The following SP4 variants were observed in gnomAD, a reference collection of about 807,000 sequenced individuals.
SP4 encodes the protein Sp4 transcription factor.
A neutral mutation model predicts 72.8 loss-of-function variants in SP4; 19 were observed. The observed-to-expected ratio is 0.26, with a 90% CI of 0.18 to 0.38. The LOEUF (loss-of-function observed/expected upper bound fraction) is 0.38, where lower values mean the gene tolerates loss of function less well. Ranked by LOEUF, SP4 falls within the 10% of genes least tolerant of loss-of-function variation. The probability of loss-of-function intolerance (pLI) is 1.00; values close to 1 mark genes in which losing one functional copy is unlikely to be tolerated. For synonymous variants in SP4, 395 were observed against 333.1 expected, an observed-to-expected ratio of 1.19 and a Z score of -2.02; for missense variants, 1,008 against 926.3, an observed-to-expected ratio of 1.09 and a Z score of -1.14.
chr7:21,444,366 A>AT (rs540649016), intron 3 of SP4, among the ~76,000 whole-genome samples: 1 of 152,232 alleles, frequency 6.6e-6, no homozygotes, highest in Non-Finnish European at 1.5e-5. Context: ...CGTTTATAGT[A>AT]TACCAGATAA....
intron 5 of SP4, among the ~76,000 whole-genome samples, chr7:21,509,107 G>A (rs1411609502): frequency 6.6e-6 from 1 of 151,934 alleles, no homozygotes; most frequent in African/African-American, 2.4e-5. Flanking sequence ...TCGTCAGAAT[G>A]TTTCATATTA....
At chr7:21,486,692 C>T (rs1353298629) in intron 5 of SP4, among the ~76,000 whole-genome samples, 1 of 152,088 alleles carries the variant, frequency 6.6e-6, no homozygotes, top group Non-Finnish European at 1.5e-5. Flanking sequence ...GTGATGTTAA[C>T]CCTGATGTAT....
intron 5 of SP4, among the ~76,000 whole-genome samples, chr7:21,498,354 G>A (rs1186253437): frequency 6.6e-6 from 1 of 152,122 alleles, no homozygotes; most frequent in Non-Finnish European, 1.5e-5. Flanking sequence ...ATGATTTGGG[G>A]ATCTACGGGG....
intron 3 of SP4, among the ~76,000 whole-genome samples, chr7:21,437,434 T>C (rs934059999): frequency 6.6e-6 from 1 of 152,202 alleles, no homozygotes; most frequent in Admixed American, 6.5e-5. Flanking sequence ...TGAAAAGTGG[T>C]AATTATTATT....
At chr7:21,510,952 G>A in intron 5 of SP4, 70 bp from the exon 6 acceptor site, 1 of 1,422,814 alleles carries the variant, frequency 7.0e-7, no homozygotes, top group African/African-American at 1.4e-5. Context: ...GACCAGAAGG[G>A]AGATTATTAA....
chr7:21,444,718 C>G (rs902794447), intron 3 of SP4, among the ~76,000 whole-genome samples: 1 of 152,052 alleles, frequency 6.6e-6, no homozygotes, highest in South Asian at 2.1e-4. Flanking sequence ...GTGGTGGTGA[C>G]CTCAAATTAT....
At chr7:21,449,535 G>A (rs554839767) in intron 3 of SP4, among the ~76,000 whole-genome samples, 1 of 152,214 alleles carries the variant, frequency 6.6e-6, no homozygotes, top group South Asian at 2.1e-4. Flanking sequence ...AAATACATAT[G>A]CGTGTATAGG....
intron 4 of SP4, among the ~76,000 whole-genome samples, chr7:21,477,976 A>C (rs1371922607): frequency 1.3e-5 from 2 of 152,134 alleles, no homozygotes; most frequent in South Asian, 2.1e-4. Flanking sequence ...ACATGACTAC[A>C]ATCAATTTTA....
rs555738358 is a variant in SP4, at chr7:21,513,101, C to G, written c.*1832C>G. On this transcript the variant is annotated 3_prime_UTR_variant, in exon 6 of 6. Coordinates refer to ENST00000222584, the MANE Select transcript of SP4 (RefSeq NM_003112.5). ...AGGTACGTGTTTTCTTGTGCATTCT[C>G]TATAATTTCAGGAAAAGTACTAATG... is the stretch of plus-strand genomic sequence containing the variant. The G allele has an allele frequency of 6.5e-5, 10 of 152,674 alleles. No homozygotes were observed. In the East Asian group the frequency reaches 1.9e-3, roughly 29 times the overall value. 9.5% of individuals were successfully genotyped at this position (152,674 alleles called of 1,614,324 possible). A position where few individuals can be genotyped will look rare whatever the true frequency, so the allele number is the denominator to read the frequency against.
Position 21,477,317 on chromosome 7 carries a change from G to T in SP4, c.1907+10G>T. 2 of 1,577,878 alleles carry T rather than the reference G, an allele frequency of 1.3e-6. No homozygotes were observed. The highest frequency in any genetic ancestry group is 2.7e-5 in the African/African-American group (2 of 74,364). On this transcript the variant is annotated intron_variant, in intron 4 of 5. Transcript: ENST00000222584. ...GGGAAGGAGAAGGAAGGTAAATGCT[G>T]TATTTTTCAACTGTGTCTATTTGGA...
At chr7:21,437,410 G>A (rs975398747) in intron 3 of SP4, among the ~76,000 whole-genome samples, 8 of 152,120 alleles carry the variant, frequency 5.3e-5, no homozygotes, top group African/African-American at 1.9e-4. Context: ...CTCATAGCTG[G>A]TTGCACAATT....
intron 4 of SP4, among the ~76,000 whole-genome samples, chr7:21,480,751 C>G (rs1315728739): frequency 6.6e-6 from 1 of 152,182 alleles, no homozygotes; most frequent in Non-Finnish European, 1.5e-5. Flanking sequence ...ACTAGCCAAC[C>G]TGTAGTTAAG....
At chr7:21,507,816 C>T (rs1782039557) in intron 5 of SP4, among the ~76,000 whole-genome samples, 1 of 152,070 alleles carries the variant, frequency 6.6e-6, no homozygotes, top group Non-Finnish European at 1.5e-5. Flanking sequence ...GCACCCCCTA[C>T]TGGAGGTTTC....
intron 3 of SP4, among the ~76,000 whole-genome samples, chr7:21,458,305 G>A (rs7787023): frequency 0.12 from 18,699 of 151,926 alleles, 2,682 homozygotes; most frequent in East Asian, 0.62. Flanking sequence ...CAATTCTTCC[G>A]CCCCAGCCTC....
At chr7:21,436,654 T>G (rs1314396463) in intron 3 of SP4, among the ~76,000 whole-genome samples, 1 of 152,208 alleles carries the variant, frequency 6.6e-6, no homozygotes, top group Non-Finnish European at 1.5e-5. Context: ...TCTGTACTTT[T>G]CTGATGCGGA....
At position 21,429,465 on chromosome 7, in the gene SP4, C is replaced by T. The variant is rs1562578434; in HGVS notation, c.300C>T (p.Asn100=). ...LELVTTQLAG[N]AWQLVASTPP... ...TGGTAACAACGCAACTTGCTGGAAACGCTTGGCAACTTGTTGCCTCCACTC... is the reference window on the plus strand; with the variant it reads ...TGGTAACAACGCAACTTGCTGGAAATGCTTGGCAACTTGTTGCCTCCACTC... The change falls in exon 3 of 6, where the codon AAC becomes AAT. Residue 100 remains asparagine, a synonymous_variant. Coordinates refer to ENST00000222584, the MANE Select transcript of SP4 (RefSeq NM_003112.5). The T allele has an allele frequency of 3.7e-6, 6 of 1,614,200 alleles. No homozygotes were observed. The highest frequency in any genetic ancestry group is 5.1e-6 in the Non-Finnish European group (6 of 1,180,046).
chr7:21,437,907 T>A (rs1348781435), intron 3 of SP4, among the ~76,000 whole-genome samples: 1 of 152,050 alleles, frequency 6.6e-6, no homozygotes, highest in Non-Finnish European at 1.5e-5. Flanking sequence ...GAATGAAGAA[T>A]GTGGAAAACA....
intron 3 of SP4, among the ~76,000 whole-genome samples, 195 bp from the exon 4 acceptor site, chr7:21,476,884 A>C (rs764512743): frequency 6.6e-6 from 1 of 152,244 alleles, no homozygotes; most frequent in African/African-American, 2.4e-5. Context: ...ATCTAGATAC[A>C]TAGGCAACCT....
At chr7:21,433,738 C>T (rs528924242) in intron 3 of SP4, among the ~76,000 whole-genome samples, 16 of 152,154 alleles carry the variant, frequency 1.1e-4, no homozygotes, top group Admixed American at 4.6e-4. Context: ...GTTGGGAGTT[C>T]GACACCAGCC....
Sources: allele counts gnomAD v4.1 joint callset (sites outside exome capture counted in the v4.1 genomes callset), GRCh38; gene constraint gnomAD v4.1.1; transcripts MANE v1.5; gene names NCBI Gene and HGNC (gene_info 2026-07-23, HGNC 2026-07-21).